Variants in MYO5A observed in about 807,000 individuals in gnomAD.
MYO5A encodes the protein unconventional myosin-Va.
In MYO5A, 98 loss-of-function variants were observed where a neutral mutation model predicts 249.7. The ratio of observed to expected loss-of-function variants is 0.39; its 90% CI spans 0.33 to 0.46. The LOEUF (loss-of-function observed/expected upper bound fraction) is 0.46, where lower values mean the gene tolerates loss of function less well. MYO5A is among the 20% of genes least tolerant of loss of function. The pLI, the probability that MYO5A is intolerant of heterozygous loss-of-function variation, is 0.98. For synonymous variants in MYO5A, 778 were observed against 810.6 expected (o/e 0.96, Z 0.68); for missense variants, 1,696 against 2,308.8 (o/e 0.73, Z 5.44).
At chr15:52,441,614 T>C (rs949900249) in intron 1 of MYO5A, among the ~76,000 whole-genome samples, 14 of 152,212 alleles carry the variant, frequency 9.2e-5, no homozygotes, top group African/African-American at 3.4e-4. Flanking sequence ...ACACAATCTC[T>C]TCCCTCTTCA....
intron 32 of MYO5A, 55 bp downstream of exon 32, chr15:52,340,141 T>C: frequency 1.3e-6 from 2 of 1,591,548 alleles, no homozygotes; most frequent in Admixed American, 1.7e-5. Flanking sequence ...AAAAAGAAAC[T>C]AGACTGTCGG....
In MYO5A at chr15:52,386,559, T is replaced by C. The variant is rs549313569; in HGVS notation, c.1752+1270A>G. 1.2e-3 allele frequency among the ~76,000 whole-genome samples: 188 copies of C among 152,188 alleles called. 1 individual carries two copies. Among genetic ancestry groups the C allele is most frequent in the Non-Finnish European group, 3.4e-4 (23 of 67,994 alleles). ...GCCTGTTAGACACTTTAACTCTTTT[T>C]TTTTTTTGGAGACAGAGTCTCGCTG... On this transcript the variant is annotated intron_variant, in intron 14 of 41. Transcript: ENST00000399233.
rs1266305605 is a variant in MYO5A, at chr15:52,309,812, T to G, written c.*3884A>C. 3 of 152,230 alleles carry G rather than the reference T, an allele frequency of 2.0e-5. No individual in the cohort carries two copies. In the East Asian group the frequency reaches 5.8e-4, roughly 29 times the overall value. 9.4% of individuals were successfully genotyped at this position (152,230 alleles called of 1,614,324 possible). On this transcript the variant is annotated 3_prime_UTR_variant, in exon 42 of 42. Coordinates refer to ENST00000399233, the MANE Select transcript of MYO5A (RefSeq NM_001382347.1). Reference sequence around the variant, plus strand: ...CCAGAGGATCCTTGACTATGCCTGCTAAGGAACTCTATGAATTAGTGACGG... The same window carrying G: ...CCAGAGGATCCTTGACTATGCCTGCGAAGGAACTCTATGAATTAGTGACGG...
At chr15:52,332,806 A>T (rs766994610) in intron 34 of MYO5A, among the ~76,000 whole-genome samples, 1 of 152,114 alleles carries the variant, frequency 6.6e-6, no homozygotes, top group Non-Finnish European at 1.5e-5. Flanking sequence ...TCTACTAAAA[A>T]TACAAAAAAT....
chr15:52,408,449 ATT>A (rs11297882), intron 6 of MYO5A, among the ~76,000 whole-genome samples: 1 of 149,496 alleles, frequency 6.7e-6, no homozygotes, highest in African/African-American at 2.5e-5. Context: ...AACTAAAATC[ATT>A]TTTTTTTTGC....
rs1595783732 is a variant in MYO5A, at chr15:52,491,722, G to C, written c.27+37058C>G. Among the ~76,000 whole-genome samples the C allele has an allele frequency of 1.3e-5, 2 of 152,226 alleles. 1 individual carries two copies. The highest frequency in any genetic ancestry group is 1.3e-4 in the Admixed American group (2 of 15,284). On this transcript the variant is annotated intron_variant, in intron 1 of 41. Transcript: ENST00000399233. ...CAAACATTAATCAAACGGAAATTAAGGCATATCCTCAGGATATATGAAGGC... is the reference window on the plus strand; with the variant it reads ...CAAACATTAATCAAACGGAAATTAACGCATATCCTCAGGATATATGAAGGC...
intron 25 of MYO5A, among the ~76,000 whole-genome samples, chr15:52,354,920 T>C (rs1171320159): frequency 6.6e-6 from 1 of 151,952 alleles, no homozygotes; most frequent in Non-Finnish European, 1.5e-5. Flanking sequence ...AAGTATTACA[T>C]GATCACACAA....
At chr15:52,441,163 AACT>A (rs2075777371) in intron 1 of MYO5A, among the ~76,000 whole-genome samples, 1 of 152,212 alleles carries the variant, frequency 6.6e-6, no homozygotes, top group Admixed American at 6.5e-5. Flanking sequence ...AAAATTCAGG[AACT>A]ACTATTCTAA....
chr15:52,388,832 T>C (rs1014283985), intron 13 of MYO5A, among the ~76,000 whole-genome samples: 6 of 152,142 alleles, frequency 3.9e-5, no homozygotes, highest in Non-Finnish European at 8.8e-5. Flanking sequence ...ACATACACCA[T>C]TTTTTCATAT....
Position 52,323,398 on chromosome 15 carries a change from G to A in MYO5A, c.4757C>T (p.Thr1586Ile). 6.2e-7 allele frequency: 1 copy of A among 1,613,832 alleles called. No homozygotes were observed. The highest frequency in any genetic ancestry group is 8.5e-7 in the Non-Finnish European group (1 of 1,179,788). ...FETVSFWLSN[T>I]CRFLHCLKQY... Reference sequence around the variant, plus strand: ...TTTCAAGCAGTGCAAAAATCGGCATGTGTTAGAGAGCCAGAAGGAGACGGT... The same window carrying A: ...TTTCAAGCAGTGCAAAAATCGGCATATGTTAGAGAGCCAGAAGGAGACGGT... The change falls in exon 37 of 42, where the codon ACA (threonine) becomes ATA (isoleucine). Residue 1586 changes from threonine (T) to isoleucine (I), a missense_variant. Transcript: ENST00000399233.
At chr15:52,516,866 CATGT>C (rs1335551629) in intron 1 of MYO5A, among the ~76,000 whole-genome samples, 5 of 152,128 alleles carry the variant, frequency 3.3e-5, no homozygotes, top group Non-Finnish European at 7.3e-5. Context: ...AAAATTATAT[CATGT>C]ATAGTAATTT....
At chr15:52,455,899 T>C (rs1218986578) in intron 1 of MYO5A, among the ~76,000 whole-genome samples, 1 of 151,960 alleles carries the variant, frequency 6.6e-6, no homozygotes, top group African/African-American at 2.4e-5. Flanking sequence ...TCATCTAACA[T>C]ACGGATCAAC....
intron 3 of MYO5A, 53 bp from the exon 4 acceptor site, chr15:52,426,027 G>A: frequency 6.6e-7 from 1 of 1,503,962 alleles, no homozygotes; most frequent in Non-Finnish European, 9.2e-7. Context: ...ATACCCTAAT[G>A]GGCATATCAA....
intron 2 of MYO5A, 51 bp downstream of exon 2, chr15:52,433,124 T>C (rs555723692): frequency 7.6e-6 from 10 of 1,313,750 alleles, no homozygotes; most frequent in Non-Finnish European, 1.1e-5. Context: ...TTTACACTTT[T>C]GAACTCCCTT....
intron 6 of MYO5A, 54 bp downstream of exon 6, chr15:52,410,279 C>T (rs2043192422): frequency 6.4e-7 from 1 of 1,567,358 alleles, no homozygotes; most frequent in East Asian, 2.2e-5. Context: ...AGCATGGACT[C>T]AACAATTATA....
intron 11 of MYO5A, among the ~76,000 whole-genome samples, chr15:52,393,737 C>CA (rs971597896): frequency 1.3e-5 from 2 of 152,176 alleles, no homozygotes; most frequent in Middle Eastern, 3.4e-3. Flanking sequence ...TAAGCTTTAA[C>CA]AAAAAACAGT....
intron 18 of MYO5A, among the ~76,000 whole-genome samples, chr15:52,379,220 A>T (rs1323281971): frequency 1.3e-5 from 2 of 152,150 alleles, no homozygotes; most frequent in African/African-American, 4.8e-5. Flanking sequence ...TTCATTCAGC[A>T]TTTGATATAG....
chr15:52,390,573 T>C (rs2042182148), intron 12 of MYO5A, among the ~76,000 whole-genome samples: 1 of 150,920 alleles, frequency 6.6e-6, no homozygotes, highest in Admixed American at 6.6e-5. Context: ...TTTTTTTTTT[T>C]TTTGAGACAG....
chr15:52,450,575 G>A (rs1054962876), intron 1 of MYO5A, among the ~76,000 whole-genome samples: 2 of 151,702 alleles, frequency 1.3e-5, no homozygotes, highest in Non-Finnish European at 2.9e-5. Context: ...AGGCTGAGGT[G>A]GGAGAACCAC....
Sources: gnomAD v4.1 joint callset for allele counts (sites outside exome capture counted in the v4.1 genomes callset) on GRCh38, gnomAD v4.1.1 for gene constraint, MANE v1.5 for transcripts, NCBI Gene and HGNC (gene_info 2026-07-23, HGNC 2026-07-21) for gene names.